PPP1CB: variants seen among roughly 807,000 people sequenced by gnomAD.
PPP1CB encodes the protein protein phosphatase 1 catalytic subunit beta, also known as serine/threonine-protein phosphatase PP1-beta catalytic subunit.
A neutral mutation model predicts 43.7 loss-of-function variants in PPP1CB; 2 were observed. The ratio of observed to expected loss-of-function variants is 0.05; its 90% CI spans 0.02 to 0.14. The LOEUF (loss-of-function observed/expected upper bound fraction) is 0.14. Ranked by LOEUF, PPP1CB falls within the 10% of genes least tolerant of loss-of-function variation. The pLI, the probability that PPP1CB is intolerant of heterozygous loss-of-function variation, is 1.00. For missense variants in PPP1CB, 84 were observed against 398.0 expected (o/e 0.21, Z 6.71); for synonymous variants, 136 against 135.6 (o/e 1.00, Z -0.02).
chr2:28,767,279 A>G (rs1666799309), intron 1 of PPP1CB, among the ~76,000 whole-genome samples: 1 of 152,166 alleles, frequency 6.6e-6, no homozygotes, highest in Admixed American at 6.5e-5. Context: ...AATTTTTTAA[A>G]AAGTTCCCTT....
intron 3 of PPP1CB, among the ~76,000 whole-genome samples, chr2:28,781,446 A>G (rs565810804): frequency 2.0e-5 from 3 of 152,194 alleles, no homozygotes; most frequent in South Asian, 4.1e-4. Context: ...ATTTATTCCT[A>G]CTACCCAACT....
At position 28,799,511 on chromosome 2, in the gene PPP1CB, C is replaced by G; in HGVS notation, c.*208C>G. On this transcript the variant is annotated 3_prime_UTR_variant, in exon 8 of 8. Coordinates refer to ENST00000395366, the MANE Select transcript of PPP1CB (RefSeq NM_002709.3). ...AATAAGTATACTCTGTTATAGTCAA[C>G]AAAGTTAAATCCAAATTCAAAATTA... The G allele has an allele frequency of 2.5e-6, 1 of 398,618 alleles. No individual in the cohort carries two copies. Among genetic ancestry groups the G allele is most frequent in the East Asian group, 3.7e-5 (1 of 26,668 alleles). The allele number at this position is 398,618 out of a possible 1,614,324, so 24.7% of individuals were successfully genotyped here. A position where few individuals can be genotyped will look rare whatever the true frequency, so the allele number is the denominator to read the frequency against.
chr2:28,763,952 T>G (rs1463060516), intron 1 of PPP1CB, among the ~76,000 whole-genome samples: 1 of 151,868 alleles, frequency 6.6e-6, no homozygotes, highest in Non-Finnish European at 1.5e-5. Context: ...CCGCCCACCT[T>G]AGCCTCCCAG....
rs181567884 is a variant in PPP1CB at position 28,771,478 on chromosome 2, C to T, written c.53-5373C>T. Among the ~76,000 whole-genome samples the T allele has an allele frequency of 2.2e-4, 33 of 151,886 alleles. No individual in the cohort carries two copies. In the East Asian group the frequency reaches 3.9e-3, roughly 18 times the overall value. On this transcript the variant is annotated intron_variant, in intron 1 of 7. Transcript: ENST00000395366. ...TTGGGATGTTTATATTACTAGATAC[C>T]GAGACTTTATAAAAAGCCATAGTAA...
intron 1 of PPP1CB, among the ~76,000 whole-genome samples, chr2:28,756,243 G>A (rs1360007829): frequency 6.6e-6 from 1 of 152,204 alleles, no homozygotes; most frequent in Non-Finnish European, 1.5e-5. Flanking sequence ...ATTACAATAT[G>A]AGTTGTAGAA....
At chr2:28,799,141 A>G (rs1162566046) in intron 7 of PPP1CB, 58 bp from the exon 8 acceptor site, 2 of 1,217,242 alleles carry the variant, frequency 1.6e-6, no homozygotes, top group Non-Finnish European at 2.3e-6. Context: ...AATTGTAACA[A>G]TTTTCTTAAC....
chr2:28,794,374 C>G (rs780268712), intron 7 of PPP1CB, among the ~76,000 whole-genome samples: 1 of 152,086 alleles, frequency 6.6e-6, no homozygotes, highest in Non-Finnish European at 1.5e-5. Context: ...AAAAGAATTA[C>G]AAACTCAGAT....
intron 3 of PPP1CB, among the ~76,000 whole-genome samples, chr2:28,779,926 G>A (rs1299279184): frequency 6.6e-6 from 1 of 152,090 alleles, no homozygotes; most frequent in East Asian, 1.9e-4. Context: ...TTTTTCCCAA[G>A]TGTTTCTCCA....
At chr2:28,770,830 C>A (rs570129105) in intron 1 of PPP1CB, among the ~76,000 whole-genome samples, 18 of 152,182 alleles carry the variant, frequency 1.2e-4, no homozygotes, top group Admixed American at 1.0e-3. Flanking sequence ...ATATGCTATA[C>A]CATAAAGCAC....
At position 28,791,518 on chromosome 2, in the gene PPP1CB, C is replaced by T. The variant is rs557455832; in HGVS notation, c.745-2345C>T. On this transcript the variant is annotated intron_variant, in intron 6 of 7. Transcript: ENST00000395366. ...CTAGTTTTTGTATTTTTAGTAGAGA[C>T]GGGGTTTCACTATGTTGGCCTGGCT... 3.3e-5 allele frequency among the ~76,000 whole-genome samples: 5 copies of T among 151,994 alleles called. No homozygotes were observed. The East Asian group carries it at 7.8e-4, about 24-fold the overall frequency.
chr2:28,788,674 G>A lies in PPP1CB; in HGVS notation c.609G>A (p.Leu203=). Residue 203 remains leucine, a synonymous_variant, in exon 6 of 8, where the codon TTG becomes TTA. Transcript: ENST00000395366. ...CCTTTAAAGGTTTGCTCTGTGATTT[G>A]CTATGGTCTGATCCAGATAAGGATG... ...DVPDTGLLCD[L]LWSDPDKDVQ... is the part of the protein sequence containing the mutation. The A allele has an allele frequency of 6.2e-6, 10 of 1,613,028 alleles. No homozygotes were observed. The highest frequency in any genetic ancestry group is 8.5e-6 in the Non-Finnish European group (10 of 1,179,732).
Position 28,778,815 on chromosome 2 carries a change from T to C in PPP1CB, c.191T>C (p.Ile64Thr), listed in dbSNP as rs1667090919. 6.4e-7 allele frequency: 1 copy of C among 1,574,254 alleles called. No homozygotes were observed. The highest frequency in any genetic ancestry group is 1.4e-5 in the African/African-American group (1 of 74,042). Residue 64 changes from isoleucine to threonine, a missense_variant, in exon 3 of 8, where the codon ATT becomes ACT. By Grantham distance (89) the Ile-to-Thr change is moderately conservative. Coordinates refer to ENST00000395366, the MANE Select transcript of PPP1CB (RefSeq NM_002709.3). The stretch of plus-strand genomic sequence containing the variant: ...TGACTCTTTCTCTTTTTAGGAGATA[T>C]TCATGGACAATATACAGATTTACTG... Reference protein sequence around the residue: ...LEAPLKICGDIHGQYTDLLRL... With the variant: ...LEAPLKICGDTHGQYTDLLRL...
chr2:28,791,338 G>T (rs1667379740), intron 6 of PPP1CB, among the ~76,000 whole-genome samples: 1 of 151,196 alleles, frequency 6.6e-6, no homozygotes. Context: ...GTTGTTGTTT[G>T]TTTTTTTTGT....
At chr2:28,759,367 T>C (rs1248105428) in intron 1 of PPP1CB, among the ~76,000 whole-genome samples, 1 of 151,834 alleles carries the variant, frequency 6.6e-6, no homozygotes, top group African/African-American at 2.4e-5. Flanking sequence ...AATACAAAAA[T>C]TAGCTGGGCT....
chr2:28,799,151 C>A, intron 7 of PPP1CB, 48 bp from the exon 8 acceptor site: 1 of 1,303,376 alleles, frequency 7.7e-7, no homozygotes, highest in South Asian at 1.3e-5. Context: ...ATTTTCTTAA[C>A]TTCTGTACAT....
In PPP1CB at chr2:28,799,422, T is replaced by G. The variant is rs1667561720; in HGVS notation, c.*119T>G. 1.5e-5 allele frequency: 11 copies of G among 722,908 alleles called. No homozygotes were observed. The highest frequency in any genetic ancestry group is 1.8e-5 in the Non-Finnish European group (8 of 447,098). 44.8% of individuals were successfully genotyped at this position (722,908 alleles called of 1,614,324 possible). On this transcript the variant is annotated 3_prime_UTR_variant, in exon 8 of 8. Coordinates refer to ENST00000395366, the MANE Select transcript of PPP1CB (RefSeq NM_002709.3). ...CCCTTTATGATGTCACACCTTTAAC[T>G]TAAGGAGACGGGTAAAGGATCTTAA...
At chr2:28,784,153 C>A (rs1667212490) in intron 5 of PPP1CB, among the ~76,000 whole-genome samples, 175 bp downstream of exon 5, 1 of 152,178 alleles carries the variant, frequency 6.6e-6, no homozygotes. Flanking sequence ...TCACTTTGCA[C>A]TGATCCTCAA....
intron 6 of PPP1CB, among the ~76,000 whole-genome samples, chr2:28,789,961 A>C (rs1341186422): frequency 6.6e-6 from 1 of 152,040 alleles, no homozygotes; most frequent in Admixed American, 6.6e-5. Flanking sequence ...ACCACACTTT[A>C]AAAAAGTATT....
Position 28,801,586 on chromosome 2 carries a change from T to G in PPP1CB, c.*2283T>G, listed in dbSNP as rs893021115. ...TAAACAGCCTCCAGTCATAAAAATG[T>G]GTTCTTTACAAATATTTGCTTGGCA... On this transcript the variant is annotated 3_prime_UTR_variant, in exon 8 of 8. Transcript: ENST00000395366. 6.6e-6 allele frequency: 1 copy of G among 152,166 alleles called. No individual in the cohort carries two copies. The highest frequency in any genetic ancestry group is 1.5e-5 in the Non-Finnish European group (1 of 68,004). The allele number at this position is 152,166 out of a possible 1,614,324, so 9.4% of individuals were successfully genotyped here. A position where few individuals can be genotyped will look rare whatever the true frequency, so the allele number is the denominator to read the frequency against.
Sources: allele counts gnomAD v4.1 joint callset (sites outside exome capture counted in the v4.1 genomes callset), GRCh38; gene constraint gnomAD v4.1.1; transcripts MANE v1.5; gene names NCBI Gene and HGNC (gene_info 2026-07-23, HGNC 2026-07-21).